The following SLC6A18 variants were observed in gnomAD, a reference collection of about 807,000 sequenced individuals.
SLC6A18 encodes the protein solute carrier family 6 member 18.
In SLC6A18, 58 loss-of-function variants were observed where a neutral mutation model predicts 62.9. The ratio of observed to expected loss-of-function variants is 0.92; its 90% CI spans 0.75 to 1.15. The LOEUF (loss-of-function observed/expected upper bound fraction) is 1.15, where lower values mean the gene tolerates loss of function less well. Ranked by LOEUF, SLC6A18 falls within the 50% of genes most tolerant of loss-of-function variation. The pLI, the probability that SLC6A18 is intolerant of heterozygous loss-of-function variation, is 0.00. For synonymous variants in SLC6A18, 382 were observed against 365.8 expected, an observed-to-expected ratio of 1.04 and a Z score of -0.51; for missense variants, 793 against 836.6, an observed-to-expected ratio of 0.95 and a Z score of 0.64.
chr5:1,228,536 T>A (rs1027307872), intron 1 of SLC6A18, among the ~76,000 whole-genome samples: 45 of 152,250 alleles, frequency 3.0e-4, no homozygotes, highest in African/African-American at 1.0e-3. Flanking sequence ...GGTGCAGGTT[T>A]CTCTCGATCC....
At chr5:1,226,082 G>T (rs1746553584) in intron 1 of SLC6A18, among the ~76,000 whole-genome samples, 1 of 152,198 alleles carries the variant, frequency 6.6e-6, no homozygotes, top group East Asian at 1.9e-4. Context: ...CTTCTCCGAG[G>T]TTCTTTGCAG....
intron 3 of SLC6A18, among the ~76,000 whole-genome samples, chr5:1,233,935 G>GT (rs1267058638): frequency 6.6e-6 from 1 of 152,060 alleles, no homozygotes; most frequent in Non-Finnish European, 1.5e-5. Context: ...TAGAGACGGG[G>GT]TTTCACCATG....
intron 11 of SLC6A18, among the ~76,000 whole-genome samples, chr5:1,245,418 T>C (rs1747192504): frequency 6.6e-6 from 1 of 152,056 alleles, no homozygotes; most frequent in Admixed American, 6.5e-5. Context: ...TCTTGGAAAG[T>C]CCCTCCGTAG....
At chr5:1,232,439 G>T in intron 2 of SLC6A18, 80 bp downstream of exon 2, 1 of 1,508,084 alleles carries the variant, frequency 6.6e-7, no homozygotes, top group Non-Finnish European at 9.0e-7. Flanking sequence ...GCGGGGGCGG[G>T]TCCATGCCTG....
chr5:1,228,232 T>C (rs1746633936), intron 1 of SLC6A18, among the ~76,000 whole-genome samples: 1 of 152,214 alleles, frequency 6.6e-6, no homozygotes, highest in Non-Finnish European at 1.5e-5. Flanking sequence ...CCTGTGCTGC[T>C]TTCTACACTG....
intron 6 of SLC6A18, among the ~76,000 whole-genome samples, chr5:1,240,103 G>C (rs1463365745): frequency 6.6e-6 from 1 of 152,244 alleles, no homozygotes; most frequent in Admixed American, 6.5e-5. Flanking sequence ...CTTTAGGGAA[G>C]GAAGTGCCAG....
intron 1 of SLC6A18, among the ~76,000 whole-genome samples, chr5:1,228,808 G>A (rs1447588373): frequency 1.3e-5 from 2 of 152,216 alleles, no homozygotes; most frequent in African/African-American, 4.8e-5. Context: ...GGAGGTCGAG[G>A]CTGGAGTGAG....
intron 5 of SLC6A18, among the ~76,000 whole-genome samples, chr5:1,238,687 C>T (rs1190940666): frequency 6.6e-6 from 1 of 151,764 alleles, no homozygotes; most frequent in South Asian, 2.1e-4. Flanking sequence ...AGGAGGACTT[C>T]GGTCTGGGGC....
intron 3 of SLC6A18, among the ~76,000 whole-genome samples, chr5:1,233,405 G>C (rs1253609782): frequency 6.6e-6 from 1 of 151,912 alleles, no homozygotes; most frequent in Non-Finnish European, 1.5e-5. Flanking sequence ...TTGAACCCGG[G>C]AAGTGGAGGT....
At position 1,238,074 on chromosome 5, in the gene SLC6A18, G is replaced by C; in HGVS notation, c.732+14G>C. ...TTCACTCCCAACGTAAGTGGGTCTT[G>C]GATCAAAGTTCAGGGCCTCCAGCAC... On this transcript the variant is annotated intron_variant, in intron 5 of 11. Coordinates refer to ENST00000324642, the MANE Select transcript of SLC6A18 (RefSeq NM_182632.3). 1 of 1,592,484 alleles carries C rather than the reference G, an allele frequency of 6.3e-7. No homozygotes were observed. Among genetic ancestry groups the C allele is most frequent in the Non-Finnish European group, 8.6e-7 (1 of 1,160,392 alleles).
intron 6 of SLC6A18, 28 bp from the exon 7 acceptor site, chr5:1,240,503 C>T (rs1471336948): frequency 6.2e-7 from 1 of 1,613,260 alleles, no homozygotes. Flanking sequence ...TCCTGCAAAG[C>T]CTGTGATGAG....
chr5:1,238,541 AGGT>A (rs1235432073), intron 5 of SLC6A18, among the ~76,000 whole-genome samples: 1 of 43,436 alleles, frequency 2.3e-5, no homozygotes, highest in African/African-American at 2.8e-4. Context: ...CTCAGGAAAG[AGGT>A]CAGGTTTGGA....
At chr5:1,233,426 C>T (rs531556749) in intron 3 of SLC6A18, among the ~76,000 whole-genome samples, 4 of 151,924 alleles carry the variant, frequency 2.6e-5, no homozygotes, top group East Asian at 3.9e-4. Context: ...TGCAGATAGC[C>T]GAGATCATAC....
chr5:1,232,686 C>A, intron 2 of SLC6A18, 65 bp from the exon 3 acceptor site: 1 of 1,535,998 alleles, frequency 6.5e-7, no homozygotes, highest in South Asian at 1.3e-5. Flanking sequence ...TTTATTCTCA[C>A]TGCTTCTGGG....
chr5:1,232,147 TC>T (rs1746744971), intron 1 of SLC6A18, 71 bp from the exon 2 acceptor site: 3 of 1,412,714 alleles, frequency 2.1e-6, no homozygotes, highest in East Asian at 2.4e-5. Context: ...CACAGGTGGC[TC>T]CCCCTGGCCC....
rs1747065880 is a variant in SLC6A18, at chr5:1,241,743, C to T, written c.975-964C>T. Among the ~76,000 whole-genome samples, 1 of 152,214 alleles carries T rather than the reference C, an allele frequency of 6.6e-6. No individual in the cohort carries two copies. The highest frequency in any genetic ancestry group is 2.4e-5 in the African/African-American group (1 of 41,440). On this transcript the variant is annotated intron_variant, in intron 7 of 11. Transcript: ENST00000324642. This position sits in a 1 kb window ranked among gnomAD's most constrained non-coding sequence, Gnocchi z 7.8. ...TTGTTCAGCCCCAGCCGGGGACGTG[C>T]ATGGCGGGCAACTCTGATTTCTGCT...
At chr5:1,225,696 T>C in intron 1 of SLC6A18, 59 bp downstream of exon 1, 2 of 1,490,108 alleles carry the variant, frequency 1.3e-6, no homozygotes, top group Non-Finnish European at 1.8e-6. Flanking sequence ...GTCTCCACCC[T>C]GACCTGCCAG....
At chr5:1,239,008 C>G (rs1238201057) in intron 5 of SLC6A18, among the ~76,000 whole-genome samples, 1 of 152,202 alleles carries the variant, frequency 6.6e-6, no homozygotes. Context: ...CATGTCTGCC[C>G]GGAGTCCTAG....
At chr5:1,231,213 G>A (rs370937907) in intron 1 of SLC6A18, among the ~76,000 whole-genome samples, 7 of 152,332 alleles carry the variant, frequency 4.6e-5, no homozygotes, top group East Asian at 1.9e-4. Flanking sequence ...CCCTTCCACT[G>A]CGGGTGCCCC....
Sources: allele counts gnomAD v4.1 joint callset (sites outside exome capture counted in the v4.1 genomes callset), GRCh38; gene constraint gnomAD v4.1.1; non-coding constraint Gnocchi (gnomAD v3.1); transcripts MANE v1.5; gene names NCBI Gene and HGNC (gene_info 2026-07-23, HGNC 2026-07-21).